The following RYR2 variants were observed in gnomAD, a reference collection of about 807,000 sequenced individuals.
The protein encoded by RYR2 is ryanodine receptor 2.
Under a neutral mutation model 601.1 loss-of-function variants are expected in RYR2, and 227 were observed. That is an observed-to-expected ratio of 0.38 (90% CI 0.34 to 0.42). The LOEUF (loss-of-function observed/expected upper bound fraction) is 0.42, where lower values mean the gene tolerates loss of function less well. Among genes scored for constraint, RYR2 ranks in the 10% least tolerant of loss-of-function variants. The pLI, the probability that RYR2 is intolerant of heterozygous loss-of-function variation, is 1.00. For synonymous variants in RYR2, 2,223 were observed against 2,175.1 expected (o/e 1.02, Z -0.61); for missense variants, 4,646 against 6,156.5 (o/e 0.75, Z 8.21).
chr1:237,294,684 C>T (rs973741190), intron 2 of RYR2, among the ~76,000 whole-genome samples: 28 of 152,036 alleles, frequency 1.8e-4, no homozygotes, highest in African/African-American at 6.8e-4. Context: ...TATACATTTT[C>T]AAAATATATA....
intron 66 of RYR2, among the ~76,000 whole-genome samples, chr1:237,702,300 G>C (rs1483728404): frequency 6.6e-6 from 1 of 152,124 alleles, no homozygotes; most frequent in Non-Finnish European, 1.5e-5. Flanking sequence ...TTAATATGAA[G>C]TTTCAGCTGA....
At chr1:237,081,299 AAAAAG>A (rs1558197386) in intron 1 of RYR2, among the ~76,000 whole-genome samples, 1 of 149,464 alleles carries the variant, frequency 6.7e-6, no homozygotes, top group African/African-American at 2.4e-5. Context: ...AAAAAAAAAA[AAAAAG>A]AAAGTCAACA....
intron 1 of RYR2, among the ~76,000 whole-genome samples, chr1:237,112,477 T>C (rs1669596855): frequency 6.6e-6 from 1 of 152,116 alleles, no homozygotes; most frequent in Admixed American, 6.5e-5. Context: ...ATTTTTATTT[T>C]GTTTACCTTT....
intron 1 of RYR2, among the ~76,000 whole-genome samples, chr1:237,236,338 A>AT (rs11394368): frequency 0.59 from 89,450 of 151,900 alleles, 27,011 homozygotes; most frequent in East Asian, 0.75. Flanking sequence ...GTTATCATTA[A>AT]TTTTTTTCTT....
chr1:237,797,008 T>C (rs1659333879), intron 96 of RYR2, among the ~76,000 whole-genome samples: 1 of 152,084 alleles, frequency 6.6e-6, no homozygotes, highest in South Asian at 2.1e-4. Flanking sequence ...TGTCTCGAAC[T>C]CCTGACCTCA....
intron 1 of RYR2, among the ~76,000 whole-genome samples, chr1:237,229,424 G>C (rs889931843): frequency 5.3e-5 from 8 of 152,170 alleles, no homozygotes; most frequent in Admixed American, 4.6e-4. Flanking sequence ...GTGCCCAAAG[G>C]CTGGTTTCCT....
chr1:237,072,365 C>A (rs1350718147), intron 1 of RYR2, among the ~76,000 whole-genome samples: 1 of 152,204 alleles, frequency 6.6e-6, no homozygotes, highest in African/African-American at 2.4e-5. Flanking sequence ...TTCCACTGAT[C>A]AGGGTCGGCT....
intron 17 of RYR2, among the ~76,000 whole-genome samples, chr1:237,474,248 T>C (rs866076062): frequency 2.0e-4 from 24 of 122,536 alleles, no homozygotes; most frequent in East Asian, 1.2e-3. Flanking sequence ...TGTATAGATA[T>C]ATACATATGT....
chr1:237,656,380 G>A (rs929336042), intron 53 of RYR2, among the ~76,000 whole-genome samples: 17 of 152,160 alleles, frequency 1.1e-4, no homozygotes, highest in African/African-American at 3.4e-4. Context: ...CGAGTAGCAA[G>A]GGAATCCCTT....
In RYR2 at chr1:237,503,356, T is replaced by G. The variant is rs770026572; in HGVS notation, c.2464T>G (p.Cys822Gly). 6.2e-7 allele frequency: 1 copy of G among 1,613,938 alleles called. No individual in the cohort carries two copies. Among genetic ancestry groups the G allele is most frequent in the Non-Finnish European group, 8.5e-7 (1 of 1,179,874 alleles). Reference protein sequence around the residue: ...KFLPPPGYAPCYEAVLPKEKL... With the variant: ...KFLPPPGYAPGYEAVLPKEKL... ...TCTTCCTCCACCTGGGTATGCTCCT[T>G]GTTATGAAGCTGTTCTGCCAAAAGA... Residue 822 changes from cysteine to glycine, a missense_variant, in exon 22 of 105, where the codon TGT (cysteine) becomes GGT (glycine). Physicochemically the swap from Cys to Gly is radical, Grantham distance 159. Around this residue, in one of 17 missense-constraint regions of RYR2, gnomAD observed 1,807 missense variants for 2,088.1 expected, o/e 0.87. Coordinates refer to ENST00000366574, the MANE Select transcript of RYR2 (RefSeq NM_001035.3).
intron 1 of RYR2, among the ~76,000 whole-genome samples, chr1:237,130,153 G>A (rs1049432006): frequency 2.0e-5 from 3 of 151,876 alleles, no homozygotes; most frequent in African/African-American, 7.3e-5. Flanking sequence ...ATTAGTTTGA[G>A]TTAATCATTT....
chr1:237,264,554 T>G (rs114551859), intron 1 of RYR2, among the ~76,000 whole-genome samples: 1,567 of 152,264 alleles, frequency 0.01, 29 homozygotes, highest in African/African-American at 0.036. Flanking sequence ...TATTAACTTA[T>G]TACAAATTTT....
chr1:237,054,889 G>C (rs189545878), intron 1 of RYR2, among the ~76,000 whole-genome samples: 190 of 152,212 alleles, frequency 1.2e-3, no homozygotes, highest in African/African-American at 4.3e-3. Context: ...TGTTTCTTCT[G>C]TCTCCCCATC....
At chr1:237,510,521 A>G (rs868763685) in intron 23 of RYR2, among the ~76,000 whole-genome samples, 2 of 152,246 alleles carry the variant, frequency 1.3e-5, no homozygotes, top group Non-Finnish European at 2.9e-5. Flanking sequence ...TCAAATAAGT[A>G]TATCTAATAT....
intron 80 of RYR2, among the ~76,000 whole-genome samples, chr1:237,749,662 C>T (rs1692376030): frequency 6.6e-6 from 1 of 152,054 alleles, no homozygotes; most frequent in South Asian, 2.1e-4. Flanking sequence ...CTACCCTTAA[C>T]AGTTGTGTGG....
intron 14 of RYR2, among the ~76,000 whole-genome samples, chr1:237,446,116 A>G (rs1450041078): frequency 2.0e-5 from 3 of 152,112 alleles, no homozygotes; most frequent in Admixed American, 2.0e-4. Context: ...TGCCCAGCCT[A>G]GTTCCTTTTT....
intron 100 of RYR2, among the ~76,000 whole-genome samples, chr1:237,810,888 T>G (rs188994310): frequency 1.8e-4 from 27 of 152,280 alleles, no homozygotes; most frequent in Admixed American, 4.6e-4. Flanking sequence ...TGTGTGAAAT[T>G]ATATATACAC....
At chr1:237,733,677 A>G in intron 78 of RYR2, 28 bp from the exon 79 acceptor site, 1 of 1,553,852 alleles carries the variant, frequency 6.4e-7, no homozygotes, top group Non-Finnish European at 8.9e-7. Flanking sequence ...CTGCTTAAAC[A>G]CTGATGTTTT....
At chr1:237,511,848 A>AAAAC (rs1665941825) in intron 24 of RYR2, 57 bp downstream of exon 24, 3 of 1,023,060 alleles carry the variant, frequency 2.9e-6, no homozygotes, top group Non-Finnish European at 4.1e-6. Flanking sequence ...AAAAAAAAAA[A>AAAAC]AAAAAAAAAA....
Sources: gnomAD v4.1 joint callset for allele counts (sites outside exome capture counted in the v4.1 genomes callset) on GRCh38, gnomAD v4.1.1 for gene constraint, gnomAD v4.1.1 regional missense constraint, MANE v1.5 for transcripts, NCBI Gene and HGNC (gene_info 2026-07-23, HGNC 2026-07-21) for gene names.